VPS54: variants seen among roughly 807,000 people sequenced by gnomAD.
VPS54 encodes the protein VPS54 subunit of GARP complex.
VPS54 carries 45 observed loss-of-function variants against 121.5 expected under a neutral mutation model. The ratio of observed to expected loss-of-function variants is 0.37; its 90% confidence interval spans 0.29 to 0.47. The LOEUF is 0.47. Among genes scored for constraint, VPS54 ranks in the 20% least tolerant of loss-of-function variants. VPS54 has a pLI of 0.99. For missense variants in VPS54, 1,090 were observed against 1,131.4 expected (o/e 0.96, Z 0.52); for synonymous variants, 371 against 385.8 (o/e 0.96, Z 0.45).
chr2:64,011,792 A>T (rs1678443661), intron 1 of VPS54, among the ~76,000 whole-genome samples: 1 of 152,186 alleles, frequency 6.6e-6, no homozygotes, highest in Non-Finnish European at 1.5e-5. Flanking sequence ...CCCAGCCAAA[A>T]ATATTAGCAA....
rs963467682 is a variant in VPS54 at position 63,907,376 on chromosome 2, G to A, written c.2625+4969C>T. ...TCTATTAAAAATATAAAATTAGCTG[G>A]GCGTGGTGGTGCATGCCCGTAATCC... On this transcript the variant is annotated intron_variant, in intron 20 of 22. Coordinates refer to ENST00000272322, the MANE Select transcript of VPS54 (RefSeq NM_016516.3). Among the ~76,000 whole-genome samples, 4 of 151,888 alleles carry A rather than the reference G, an allele frequency of 2.6e-5. No homozygotes were observed. In the East Asian group the frequency reaches 7.7e-4, roughly 29 times the overall value.
chr2:63,895,060 CAA>C (rs1366517814), intron 22 of VPS54, among the ~76,000 whole-genome samples: 1 of 151,704 alleles, frequency 6.6e-6, no homozygotes, highest in Non-Finnish European at 1.5e-5. Flanking sequence ...GAGAAAATGA[CAA>C]ATGTTGATCA....
intron 1 of VPS54, among the ~76,000 whole-genome samples, chr2:63,987,150 A>G (rs1213466207): frequency 6.6e-6 from 1 of 152,146 alleles, no homozygotes; most frequent in Non-Finnish European, 1.5e-5. Flanking sequence ...GCTCACTTCA[A>G]TGACCTGGAC....
chr2:64,018,383 G>A (rs540874003), intron 1 of VPS54, among the ~76,000 whole-genome samples: 1 of 152,126 alleles, frequency 6.6e-6, no homozygotes, highest in Non-Finnish European at 1.5e-5. Context: ...GAGCAGAAAC[G>A]GCAGAGAGGG....
intron 10 of VPS54, among the ~76,000 whole-genome samples, chr2:63,943,727 C>CTTTCTCT (rs34858643): frequency 1.5e-5 from 2 of 129,608 alleles, no homozygotes; most frequent in African/African-American, 6.0e-5. Flanking sequence ...TTCTTTCTTT[C>CTTTCTCT]TTTTTTTTTT....
chr2:63,917,125 C>G (rs1458919870), intron 15 of VPS54, among the ~76,000 whole-genome samples, 162 bp from the exon 16 acceptor site: 1 of 152,032 alleles, frequency 6.6e-6, no homozygotes, highest in Non-Finnish European at 1.5e-5. Flanking sequence ...ATAAAGTATA[C>G]TGGAAGTTGG....
At position 63,920,430 on chromosome 2, in the gene VPS54, G is replaced by A; in HGVS notation, c.2051+16C>T. 7 of 1,475,420 alleles carry A rather than the reference G, an allele frequency of 4.7e-6. No homozygotes were observed. The highest frequency in any genetic ancestry group is 6.3e-6 in the Non-Finnish European group (7 of 1,113,616). The allele number at this position is 1,475,420 out of a possible 1,614,324, so 91.4% of individuals were successfully genotyped here. A position where few individuals can be genotyped will look rare whatever the true frequency, so the allele number is the denominator to read the frequency against. On this transcript the variant is annotated intron_variant, in intron 14 of 22. Transcript: ENST00000272322. ...AATGAAAAAATCAAACAACAGAATG[G>A]ACATGGTGATGATACCTGAGCTTGG...
chr2:63,895,794 T>C (rs990953111), intron 22 of VPS54, among the ~76,000 whole-genome samples: 2 of 152,182 alleles, frequency 1.3e-5, no homozygotes, highest in Admixed American at 1.3e-4. Flanking sequence ...AGAATGAGTT[T>C]CTGTTAGCAT....
At position 63,933,967 on chromosome 2, in the gene VPS54, T is replaced by C; in HGVS notation, c.1445A>G (p.Lys482Arg). 6.2e-7 allele frequency: 1 copy of C among 1,613,606 alleles called. No individual in the cohort carries two copies. The highest frequency in any genetic ancestry group is 8.5e-7 in the Non-Finnish European group (1 of 1,179,736). Residue 482 changes from lysine (K) to arginine (R), a missense_variant, in exon 12 of 23, where the codon AAA (lysine) becomes AGA (arginine). Lys to Arg is a conservative substitution (Grantham distance 26). This residue lies in a region of VPS54 where 801 missense variants were observed against 757.0 expected (regional missense o/e 1.06). Coordinates refer to ENST00000272322, the MANE Select transcript of VPS54 (RefSeq NM_016516.3). The stretch of plus-strand genomic sequence containing the variant: ...TTCCAATTCTCTAGTCCTTTGGTTT[T>C]TGTCAAGAACTGAGAGAACAACACT... ...IHSVVLSVLD[K>R]NQRTRELEEI...
intron 12 of VPS54, among the ~76,000 whole-genome samples, chr2:63,926,630 C>T (rs1414616091): frequency 6.6e-6 from 1 of 152,112 alleles, no homozygotes; most frequent in Non-Finnish European, 1.5e-5. Context: ...CTCATTGGGA[C>T]TGGATGGACA....
chr2:63,898,244 G>C lies in VPS54; in HGVS notation c.2734-654C>G, dbSNP rs1000141806. ...ACCTGTATGCCCAGCTCCCTGACCT[G>C]GGTAAGTCCTGCTCTAGAATTAGAA... On this transcript the variant is annotated intron_variant, in intron 21 of 22. Transcript: ENST00000272322. Among the ~76,000 whole-genome samples the C allele has an allele frequency of 4.1e-4, 62 of 152,070 alleles. 1 individual carries two copies. The highest frequency in any genetic ancestry group is 2.6e-3 in the Admixed American group (40 of 15,270).
intron 7 of VPS54, among the ~76,000 whole-genome samples, chr2:63,954,322 AAAAG>A (rs1261180143): frequency 1.3e-5 from 2 of 152,036 alleles, no homozygotes; most frequent in East Asian, 1.9e-4. Flanking sequence ...ATAAAAATTA[AAAAG>A]AAAGAACTTA....
intron 1 of VPS54, among the ~76,000 whole-genome samples, chr2:64,015,048 T>C (rs1678615473): frequency 1.3e-5 from 2 of 152,006 alleles, no homozygotes; most frequent in African/African-American, 4.8e-5. Context: ...TATACATACA[T>C]ATATAACATA....
intron 12 of VPS54, among the ~76,000 whole-genome samples, chr2:63,923,363 C>A (rs1030445081): frequency 6.6e-6 from 1 of 151,824 alleles, no homozygotes; most frequent in Admixed American, 6.6e-5. Context: ...CTAACTTTCA[C>A]GTCAATAGGG....
At chr2:64,011,503 T>C (rs997870352) in intron 1 of VPS54, among the ~76,000 whole-genome samples, 4 of 151,864 alleles carry the variant, frequency 2.6e-5, no homozygotes, top group Non-Finnish European at 5.9e-5. Flanking sequence ...AACGGGGAGG[T>C]TGCAGTGAGC....
intron 20 of VPS54, among the ~76,000 whole-genome samples, chr2:63,910,175 G>A (rs1176213439): frequency 1.3e-5 from 2 of 152,064 alleles, no homozygotes; most frequent in Non-Finnish European, 2.9e-5. Context: ...TTAAAAACAG[G>A]GTCAAACTCC....
At chr2:64,017,557 T>A (rs1296923556) in intron 1 of VPS54, among the ~76,000 whole-genome samples, 1 of 152,090 alleles carries the variant, frequency 6.6e-6, no homozygotes, top group Non-Finnish European at 1.5e-5. Flanking sequence ...CAAAAACACT[T>A]CAGAAAGCCA....
At chr2:63,901,902 C>A (rs922390363) in intron 20 of VPS54, among the ~76,000 whole-genome samples, 1 of 152,096 alleles carries the variant, frequency 6.6e-6, no homozygotes, top group African/African-American at 2.4e-5. Flanking sequence ...GTAATCCTAG[C>A]TACTTGGAAG....
chr2:63,946,514 AAG>A (rs1430606197), intron 9 of VPS54, among the ~76,000 whole-genome samples: 1 of 152,106 alleles, frequency 6.6e-6, no homozygotes, highest in Non-Finnish European at 1.5e-5. Context: ...CAGTGCTTGA[AAG>A]AGGGGATGAT....
Sources: allele counts gnomAD v4.1 joint callset (sites outside exome capture counted in the v4.1 genomes callset), GRCh38; gene constraint gnomAD v4.1.1; regional missense constraint gnomAD v4.1.1; transcripts MANE v1.5; gene names NCBI Gene and HGNC (gene_info 2026-07-23, HGNC 2026-07-21).